The following SPG7 variants were observed in gnomAD, a reference collection of about 807,000 sequenced individuals.
SPG7 encodes SPG7 matrix AAA peptidase subunit, paraplegin.
A neutral mutation model predicts 81.9 loss-of-function variants in SPG7; 103 were observed. The ratio of observed to expected loss-of-function variants is 1.26; its 90% CI spans 1.07 to 1.48. SPG7 has a LOEUF of 1.48. Ranked by LOEUF, SPG7 falls within the 40% of genes most tolerant of loss-of-function variation. The pLI, the probability that SPG7 is intolerant of heterozygous loss-of-function variation, is 0.00. For missense variants in SPG7, 1,241 were observed against 1,087.3 expected (o/e 1.14, Z -1.99); for synonymous variants, 534 against 444.2 (o/e 1.20, Z -2.54).
intron 3 of SPG7, among the ~76,000 whole-genome samples, chr16:89,513,316 C>T (rs1388591010): frequency 6.6e-6 from 1 of 151,814 alleles, no homozygotes. Context: ...AGGCGGATCA[C>T]CTGCACCCTG....
At chr16:89,523,785 A>T in intron 3 of SPG7, 1 of 697,466 alleles carries the variant, frequency 1.4e-6, no homozygotes, top group Non-Finnish European at 2.6e-6. Context: ...CCTGCTCCTC[A>T]CTGAAGTGAC....
Position 89,544,673 on chromosome 16 carries a change from C to A in SPG7, c.1350C>A (p.Ile450=), listed in dbSNP as rs145124867. The change falls in exon 10 of 17, where the codon ATC becomes ATA. Residue 450 remains isoleucine (I), a synonymous_variant. Transcript: ENST00000645818. ...MDGMGTTDHV[I]VLASTNRADI... ...GAATGGGTACCACAGACCATGTCAT[C>A]GTCCTGGCGTCCACGAACCGAGCTG... 1.5e-5 allele frequency: 25 copies of A among 1,613,994 alleles called. No homozygotes were observed. Among genetic ancestry groups the A allele is most frequent in the Middle Eastern group, 1.6e-4 (1 of 6,084 alleles).
rs1287504495 is a variant in SPG7, at chr16:89,548,066, C to G, written c.1616C>G (p.Ser539Cys). 1 of 1,610,626 alleles carries G rather than the reference C, an allele frequency of 6.2e-7. No individual in the cohort carries two copies. The highest frequency in any genetic ancestry group is 1.3e-5 in the African/African-American group (1 of 74,946). ...ALHAAREGHT[S>C]VHTLNFEYAV... ...CACGCGGCGCGGGAGGGACACACTT[C>G]CGTGCACACTCTCAACTTCGAGTAC... is the stretch of plus-strand genomic sequence containing the variant. The change falls in exon 12 of 17, where the codon TCC (serine) becomes TGC (cysteine). Residue 539 changes from serine (S) to cysteine (C), a missense_variant. Transcript: ENST00000645818.
chr16:89,524,953 CTTTT>C (rs34661848), intron 4 of SPG7, among the ~76,000 whole-genome samples: 1 of 118,908 alleles, frequency 8.4e-6, no homozygotes. Context: ...TTTTCTTTTG[CTTTT>C]TTTTTTTTTT....
Position 89,553,776 on chromosome 16 carries a change from C to T in SPG7, c.1937-18C>T, listed in dbSNP as rs2152412137. The T allele has an allele frequency of 5.0e-6, 8 of 1,613,146 alleles. No homozygotes were observed. In the South Asian group the frequency reaches 7.7e-5, roughly 15 times the overall value. On this transcript the variant is annotated intron_variant, in intron 14 of 16. Coordinates refer to ENST00000645818, the MANE Select transcript of SPG7 (RefSeq NM_003119.4). ...CCTGCAGTGCTGAGGATGCCTCTGT[C>T]TCGACCCCGCCCTCCAGGGGCACAG...
rs778785073 is a variant in SPG7, at chr16:89,524,223, T to G, written c.594T>G (p.Pro198=). 1.2e-6 allele frequency: 2 copies of G among 1,612,028 alleles called. No individual in the cohort carries two copies. Among genetic ancestry groups the G allele is most frequent in the South Asian group, 2.2e-5 (2 of 91,028 alleles). ...ACGTGGTGGAAGTCTACCTGCACCC[T>G]GGAGCCGTGGTGTTTGGGCGGCCTG... ...ESDVVEVYLH[P]GAVVFGRPRL... The change falls in exon 4 of 17, where the codon CCT becomes CCG. Residue 198 remains proline, a synonymous_variant. Transcript: ENST00000645818.
At chr16:89,539,903 A>G (rs755665729) in intron 9 of SPG7, 3 of 152,098 alleles carry the variant, frequency 2.0e-5, no homozygotes, top group South Asian at 2.1e-4. Context: ...GAAGTTTTAT[A>G]TTTAATCCAT....
chr16:89,546,497 G>A (rs1377242650), intron 10 of SPG7, 161 bp from the exon 11 acceptor site: 1 of 672,828 alleles, frequency 1.5e-6, no homozygotes, highest in Non-Finnish European at 2.7e-6. Flanking sequence ...AGCCAACTTT[G>A]CGAAACCCCG....
chr16:89,508,843 C>T (rs888422903), intron 1 of SPG7: 23 of 675,196 alleles, frequency 3.4e-5, no homozygotes, highest in Non-Finnish European at 6.3e-5. Context: ...TGGACTTTCC[C>T]AACCCGTCTG....
chr16:89,521,928 T>A (rs2058192854), intron 3 of SPG7: 1 of 151,952 alleles, frequency 6.6e-6, no homozygotes, highest in African/African-American at 2.4e-5. Flanking sequence ...GCAGTGTGGG[T>A]CGTGATTCTG....
At chr16:89,518,699 T>C (rs1452921352) in intron 3 of SPG7, 1 of 150,230 alleles carries the variant, frequency 6.7e-6, no homozygotes, top group Admixed American at 6.7e-5. Flanking sequence ...TGCCGTATGA[T>C]TTTTTTTTTA....
chr16:89,532,816 G>A lies in SPG7; in HGVS notation c.1324+180G>A, dbSNP rs1484684685. The A allele has an allele frequency of 4.1e-6, 3 of 728,870 alleles. No individual in the cohort carries two copies. The African/African-American group carries it at 5.3e-5, about 13-fold the overall frequency. The allele number at this position is 728,870 out of a possible 1,614,324, so 45.2% of individuals were successfully genotyped here. A position where few individuals can be genotyped will look rare whatever the true frequency, so the allele number is the denominator to read the frequency against. On this transcript the variant is annotated intron_variant, in intron 9 of 16. Coordinates refer to ENST00000645818, the MANE Select transcript of SPG7 (RefSeq NM_003119.4). ...TGTAGCTTTCAGACCCGGCGCAGTG[G>A]CTCACGCCTGTAATCCCAGCACTTT...
rs1286100422 is a variant in SPG7, at chr16:89,553,094, G to A, written c.1895G>A (p.Gly632Glu). Residue 632 changes from glycine (G) to glutamate (E), a missense_variant, in exon 14 of 17, where the codon GGA becomes GAA. Transcript: ENST00000645818. ...GAGCGGATGTGCATGGCCCTGGGAG[G>A]ACGGGCCTCGGAAGCACTGTCCTTC... ...LFERMCMALG[G>E]RASEALSFNE... is the part of the protein sequence containing the mutation. 6.2e-7 allele frequency: 1 copy of A among 1,613,076 alleles called. No individual in the cohort carries two copies. The highest frequency in any genetic ancestry group is 8.5e-7 in the Non-Finnish European group (1 of 1,179,624).
intron 9 of SPG7, chr16:89,544,436 G>C: frequency 5.2e-6 from 3 of 575,520 alleles, no homozygotes; most frequent in Non-Finnish European, 9.5e-6. Flanking sequence ...GTTTGCACTT[G>C]TCAAAATAGG....
chr16:89,552,924 C>T (rs1174074311), intron 13 of SPG7, 55 bp from the exon 14 acceptor site: 1 of 1,586,244 alleles, frequency 6.3e-7, no homozygotes, highest in African/African-American at 1.3e-5. Context: ...ACACCTTCCT[C>T]CTCAAAGCCC....
intron 8 of SPG7, 52 bp from the exon 9 acceptor site, chr16:89,532,411 G>A (rs994282631): frequency 8.1e-6 from 13 of 1,600,364 alleles, no homozygotes; most frequent in Non-Finnish European, 1.1e-5. Flanking sequence ...ACAGGAAGAG[G>A]CTTTGTTTTT....
chr16:89,532,032 G>A lies in SPG7; in HGVS notation c.1116G>A (p.Ala372=), dbSNP rs371853703. The A allele has an allele frequency of 7.4e-6, 12 of 1,613,274 alleles. No individual in the cohort carries two copies. The highest frequency in any genetic ancestry group is 1.1e-5 in the South Asian group (1 of 91,056). Residue 372 remains alanine (A), a synonymous_variant, in exon 8 of 17, where the codon GCG becomes GCA. Coordinates refer to ENST00000645818, the MANE Select transcript of SPG7 (RefSeq NM_003119.4). ...CGGAGGCTCAGGTGCCCTTCCTGGC[G>A]ATGGCCGGCCCAGAGTTCGTGGAGG... ...VATEAQVPFL[A]MAGPEFVEVI...
At chr16:89,508,393 A>G (rs1295229114), upstream of SPG7, 6 of 1,465,278 alleles carry the variant, frequency 4.1e-6, no homozygotes, top group East Asian at 3.0e-5. Context: ...CCCGCGGATC[A>G]CGCAGGCGCG....
chr16:89,508,699 G>A, intron 1 of SPG7, 99 bp downstream of exon 1: 2 of 1,229,506 alleles, frequency 1.6e-6, no homozygotes, highest in East Asian at 2.6e-5. Context: ...CCCCTGCGGC[G>A]GGGGAGCCTG....
Sources: gnomAD v4.1 joint callset for allele counts (sites outside exome capture counted in the v4.1 genomes callset) on GRCh38, gnomAD v4.1.1 for gene constraint, MANE v1.5 for transcripts, NCBI Gene and HGNC (gene_info 2026-07-23, HGNC 2026-07-21) for gene names.